The following DPYS variants were observed in gnomAD, a reference collection of about 807,000 sequenced individuals.
The protein encoded by DPYS is dihydropyrimidinase.
In DPYS, 39 loss-of-function variants were observed where a neutral mutation model predicts 50.3. The observed-to-expected ratio is 0.78, with a 90% CI of 0.60 to 1.01. The LOEUF (loss-of-function observed/expected upper bound fraction) is 1.01, where lower values mean the gene tolerates loss of function less well. Among genes scored for constraint, DPYS ranks in the 50% least tolerant of loss-of-function variants. The pLI is 0.00. For synonymous variants in DPYS, 245 were observed against 250.7 expected (o/e 0.98, Z 0.22); for missense variants, 659 against 680.9 (o/e 0.97, Z 0.36).
intron 4 of DPYS, among the ~76,000 whole-genome samples, chr8:104,440,392 G>A (rs1465967461): frequency 6.6e-6 from 1 of 152,162 alleles, no homozygotes; most frequent in Non-Finnish European, 1.5e-5. Context: ...AGGGAATCTG[G>A]ATGGGCCCCA....
At chr8:104,412,371 T>C (rs1236775944) in intron 7 of DPYS, among the ~76,000 whole-genome samples, 1 of 152,206 alleles carries the variant, frequency 6.6e-6, no homozygotes, top group Non-Finnish European at 1.5e-5. Flanking sequence ...ATGCGAATGT[T>C]TGTGAAAATG....
At chr8:104,445,794 C>T (rs1027344646) in intron 3 of DPYS, among the ~76,000 whole-genome samples, 1 of 152,134 alleles carries the variant, frequency 6.6e-6, no homozygotes, top group Admixed American at 6.5e-5. Context: ...GCCTGTAATC[C>T]GAGCACTTTG....
chr8:104,401,320 A>C (rs1199740605), intron 7 of DPYS, among the ~76,000 whole-genome samples: 1 of 149,956 alleles, frequency 6.7e-6, no homozygotes, highest in Non-Finnish European at 1.5e-5. Context: ...TATTATTATT[A>C]TTATTATTCC....
chr8:104,425,659 G>C (rs548739066), intron 6 of DPYS, among the ~76,000 whole-genome samples: 4 of 152,018 alleles, frequency 2.6e-5, no homozygotes, highest in Non-Finnish European at 5.9e-5. Flanking sequence ...CAACTCAAGA[G>C]GTTCAATTTT....
chr8:104,402,523 GGT>G (rs1190467721), intron 7 of DPYS, among the ~76,000 whole-genome samples: 4 of 152,140 alleles, frequency 2.6e-5, no homozygotes, highest in Non-Finnish European at 5.9e-5. Flanking sequence ...AACTTTCTGG[GGT>G]GATGTGTGGA....
chr8:104,404,433 T>C (rs182721237), intron 7 of DPYS, among the ~76,000 whole-genome samples: 6 of 152,372 alleles, frequency 3.9e-5, no homozygotes, highest in Non-Finnish European at 8.8e-5. Context: ...GGTTTTGAAT[T>C]GATGAAGCCA....
intron 7 of DPYS, among the ~76,000 whole-genome samples, chr8:104,394,862 AT>A (rs2140525959): frequency 1.3e-5 from 2 of 149,572 alleles, no homozygotes; most frequent in African/African-American, 4.9e-5. Context: ...ATCTTATTTC[AT>A]CTTTAGAATG....
chr8:104,455,461 G>A (rs915582960), intron 1 of DPYS, among the ~76,000 whole-genome samples: 1 of 152,206 alleles, frequency 6.6e-6, no homozygotes, highest in Non-Finnish European at 1.5e-5. Flanking sequence ...TGAGTGAGAC[G>A]ATGGCAGGCG....
chr8:104,455,562 A>T (rs1286953185), intron 1 of DPYS, among the ~76,000 whole-genome samples: 2 of 152,198 alleles, frequency 1.3e-5, no homozygotes, highest in Non-Finnish European at 2.9e-5. Flanking sequence ...GCACGTGTCC[A>T]CCTGGTGGCA....
intron 9 of DPYS, among the ~76,000 whole-genome samples, chr8:104,380,290 C>T (rs1477466272): frequency 6.6e-6 from 1 of 152,232 alleles, no homozygotes; most frequent in Non-Finnish European, 1.5e-5. Context: ...CGTTGTCAAA[C>T]TGTGCCTCTC....
intron 7 of DPYS, among the ~76,000 whole-genome samples, chr8:104,411,172 A>G (rs1812162810): frequency 6.6e-6 from 1 of 152,202 alleles, no homozygotes; most frequent in Non-Finnish European, 1.5e-5. Context: ...GATGACAGGT[A>G]TTACACCTTA....
intron 8 of DPYS, among the ~76,000 whole-genome samples, chr8:104,383,730 T>C (rs1255582141): frequency 6.6e-6 from 1 of 152,110 alleles, no homozygotes; most frequent in Non-Finnish European, 1.5e-5. Context: ...GCCGCCCAAG[T>C]AGCTGGAATT....
intron 7 of DPYS, among the ~76,000 whole-genome samples, chr8:104,413,291 C>T (rs1197260051): frequency 6.6e-6 from 1 of 151,440 alleles, no homozygotes; most frequent in Admixed American, 6.6e-5. Context: ...TAGTACAATT[C>T]ATATGAAGCT....
intron 6 of DPYS, among the ~76,000 whole-genome samples, chr8:104,426,920 C>T (rs958806243): frequency 2.0e-5 from 3 of 152,176 alleles, no homozygotes; most frequent in Non-Finnish European, 4.4e-5. Flanking sequence ...TGACATCAGG[C>T]TGGGCACGGT....
intron 4 of DPYS, among the ~76,000 whole-genome samples, chr8:104,439,312 T>C (rs1282413558): frequency 2.0e-5 from 3 of 152,132 alleles, no homozygotes; most frequent in Non-Finnish European, 4.4e-5. Context: ...AATCACTGGC[T>C]CTAAAGAATG....
chr8:104,423,541 CG>C (rs776172640), intron 7 of DPYS, among the ~76,000 whole-genome samples: 15 of 152,168 alleles, frequency 9.9e-5, no homozygotes, highest in Non-Finnish European at 5.9e-5. Context: ...CAGAAGTCCA[CG>C]CAAGTGCACA....
intron 7 of DPYS, among the ~76,000 whole-genome samples, chr8:104,410,095 G>T (rs939495452): frequency 1.3e-5 from 2 of 152,122 alleles, no homozygotes; most frequent in Admixed American, 6.5e-5. Flanking sequence ...CTCGATAAAT[G>T]CTTGGTTCAT....
chr8:104,449,639 A>G (rs991742431), intron 2 of DPYS, among the ~76,000 whole-genome samples: 3 of 152,240 alleles, frequency 2.0e-5, no homozygotes, highest in Non-Finnish European at 4.4e-5. Context: ...GCTTTATCCA[A>G]TGTAACTGCT....
At chr8:104,426,204 A>G (rs1812714911) in intron 6 of DPYS, among the ~76,000 whole-genome samples, 1 of 152,220 alleles carries the variant, frequency 6.6e-6, no homozygotes, top group Non-Finnish European at 1.5e-5. Flanking sequence ...TAATGATTCA[A>G]CTATCATCCA....
Sources: allele counts gnomAD v4.1 joint callset (sites outside exome capture counted in the v4.1 genomes callset), GRCh38; gene constraint gnomAD v4.1.1; transcripts MANE v1.5; gene names NCBI Gene and HGNC (gene_info 2026-07-23, HGNC 2026-07-21).